The following SPRYD3 variants were observed in gnomAD, a reference collection of about 807,000 sequenced individuals.
SPRYD3 encodes SPRY domain-containing protein 3.
A neutral mutation model predicts 50.1 loss-of-function variants in SPRYD3; 17 were observed. The observed-to-expected ratio is 0.34, with a 90% CI of 0.23 to 0.51. The LOEUF (loss-of-function observed/expected upper bound fraction) is 0.51. Among genes scored for constraint, SPRYD3 ranks in the 20% least tolerant of loss-of-function variants. SPRYD3 has a pLI of 0.97. For synonymous variants in SPRYD3, 198 were observed against 215.5 expected, an observed-to-expected ratio of 0.92 and a Z score of 0.71; for missense variants, 401 against 591.2, an observed-to-expected ratio of 0.68 and a Z score of 3.34.
intron 6 of SPRYD3, among the ~76,000 whole-genome samples, chr12:53,070,143 C>T (rs928964314): frequency 6.6e-6 from 1 of 152,162 alleles, no homozygotes; most frequent in African/African-American, 2.4e-5. Flanking sequence ...CAGAGCACTT[C>T]GGACAGAATG....
At chr12:53,077,067 A>C in intron 2 of SPRYD3, 48 bp downstream of exon 2, 1 of 1,582,924 alleles carries the variant, frequency 6.3e-7, no homozygotes, top group Non-Finnish European at 8.6e-7. Flanking sequence ...TTTCCTCTCT[A>C]AGATCTGGAA....
At chr12:53,073,260 C>CGGGGG in intron 6 of SPRYD3, 26 bp downstream of exon 6, 3 of 416,302 alleles carry the variant, frequency 7.2e-6, no homozygotes, top group African/African-American at 2.1e-5. Context: ...GACCCAGCCC[C>CGGGGG]TCCCACCCTC....
At chr12:53,066,742 CCA>C (rs769955091) in intron 8 of SPRYD3, 50 bp from the exon 9 acceptor site, 78 of 1,562,986 alleles carry the variant, frequency 5.0e-5, no homozygotes, top group Middle Eastern at 3.4e-4. Flanking sequence ...AGGGCTGACA[CCA>C]CACCCCCAGA....
intron 6 of SPRYD3, 29 bp downstream of exon 6, chr12:53,073,257 C>CCCCGGGGGGG: frequency 2.7e-6 from 1 of 363,996 alleles, no homozygotes; most frequent in Non-Finnish European, 5.1e-6. Flanking sequence ...TCCGACCCAG[C>CCCCGGGGGGG]CCCTCCCACC....
chr12:53,068,421 A>T, intron 6 of SPRYD3, 117 bp from the exon 7 acceptor site: 1 of 1,235,342 alleles, frequency 8.1e-7, no homozygotes, highest in Admixed American at 2.0e-5. Context: ...CCTGGCTGAA[A>T]GGGAAAGAAT....
rs1944489200 is a variant in SPRYD3, at chr12:53,064,934, G to A, written c.*898C>T. 6.5e-6 allele frequency: 1 copy of A among 152,810 alleles called. No homozygotes were observed. The highest frequency in any genetic ancestry group is 1.5e-5 in the Non-Finnish European group (1 of 68,174). The allele number at this position is 152,810 out of a possible 1,614,324, so 9.5% of individuals were successfully genotyped here. ...GCACAAGCAGCAAGCTGAGGCATGG[G>A]ACGGGGCAGGAAAAGGGGAGGGAGG... On this transcript the variant is annotated 3_prime_UTR_variant, in exon 11 of 11. Coordinates refer to ENST00000301463, the MANE Select transcript of SPRYD3 (RefSeq NM_032840.3).
At chr12:53,066,979 GCC>G (rs1944514125) in intron 8 of SPRYD3, among the ~76,000 whole-genome samples, 1 of 152,026 alleles carries the variant, frequency 6.6e-6, no homozygotes, top group African/African-American at 2.4e-5. Flanking sequence ...GCGTGGTGGC[GCC>G]CGTCTGTAGT....
intron 7 of SPRYD3, 130 bp from the exon 8 acceptor site, chr12:53,067,835 T>C: frequency 1.2e-6 from 1 of 856,358 alleles, no homozygotes; most frequent in Non-Finnish European, 1.9e-6. Flanking sequence ...ACTCATACCC[T>C]GCAGGCACTG....
At position 53,074,913 on chromosome 12, in the gene SPRYD3, T is replaced by C; in HGVS notation, c.372-129A>G. 1 of 1,372,462 alleles carries C rather than the reference T, an allele frequency of 7.3e-7. No individual in the cohort carries two copies. Among genetic ancestry groups the C allele is most frequent in the Non-Finnish European group, 1.0e-6 (1 of 979,882 alleles). The allele number at this position is 1,372,462 out of a possible 1,614,324, so 85.0% of individuals were successfully genotyped here. A position where few individuals can be genotyped will look rare whatever the true frequency, so the allele number is the denominator to read the frequency against. On this transcript the variant is annotated intron_variant, in intron 4 of 10. Coordinates refer to ENST00000301463, the MANE Select transcript of SPRYD3 (RefSeq NM_032840.3). The surrounding 1 kb of genome is among the most constrained non-coding windows in gnomAD (Gnocchi z 4.6). The stretch of plus-strand genomic sequence containing the variant: ...TCTGTGATGGTACCCACTTACGTCC[T>C]GGCGTGAGCATCACCCTCCTCTAGT...
chr12:53,067,516 G>A (rs1160002858), intron 8 of SPRYD3, 132 bp downstream of exon 8: 15 of 792,404 alleles, frequency 1.9e-5, no homozygotes, highest in Non-Finnish European at 3.2e-5. Context: ...TAGCGATTTG[G>A]GAAGGGGAGG....
At position 53,074,988 on chromosome 12, in the gene SPRYD3, A is replaced by G; in HGVS notation, c.371+107T>C. The G allele has an allele frequency of 1.3e-6, 2 of 1,493,728 alleles. No homozygotes were observed. Among genetic ancestry groups the G allele is most frequent in the Non-Finnish European group, 1.8e-6 (2 of 1,083,074 alleles). 92.5% of individuals were successfully genotyped at this position (1,493,728 alleles called of 1,614,324 possible). A position where few individuals can be genotyped will look rare whatever the true frequency, so the allele number is the denominator to read the frequency against. On this transcript the variant is annotated intron_variant, in intron 4 of 10. Coordinates refer to ENST00000301463, the MANE Select transcript of SPRYD3 (RefSeq NM_032840.3). The surrounding 1 kb of genome is among the most constrained non-coding windows in gnomAD (Gnocchi z 4.6). Reference sequence around the variant, plus strand: ...AGGCCACTTCCCTGTCCTGACCAGAAAAGTCTATGAAACACCCAATGGGAA... The same window carrying G: ...AGGCCACTTCCCTGTCCTGACCAGAGAAGTCTATGAAACACCCAATGGGAA...
rs1944499997 is a variant in SPRYD3 at position 53,065,845 on chromosome 12, G to A, written c.1316C>T (p.Pro439Leu). 6.2e-7 allele frequency: 1 copy of A among 1,613,082 alleles called. No homozygotes were observed. The highest frequency in any genetic ancestry group is 8.5e-7 in the Non-Finnish European group (1 of 1,179,670). The change falls in exon 11 of 11, where the codon CCC becomes CTC. Residue 439 changes from proline to leucine, a missense_variant. Pro to Leu is a moderately conservative substitution (Grantham distance 98). Coordinates refer to ENST00000301463, the MANE Select transcript of SPRYD3 (RefSeq NM_032840.3). The part of the protein sequence containing the change: ...CGEKVKVDLH[P>L]LSG ...GGAGGGGAGGCCCTAGCCACTCAAG[G>A]GGTGCAGATCTACTTTGACTTTCTC...
rs994949815 is a variant in SPRYD3 at position 53,068,440 on chromosome 12, T to C, written c.694-136A>G. ...GCTGAAAGGGAAAGAATCCTAGAGA[T>C]ACAATGTGGCCCCAAAGTTCTAGGC... On this transcript the variant is annotated intron_variant, in intron 6 of 10. Transcript: ENST00000301463. 2.4e-5 allele frequency: 26 copies of C among 1,083,568 alleles called. No homozygotes were observed. The African/African-American group carries it at 2.5e-4, about 11-fold the overall frequency. The allele number at this position is 1,083,568 out of a possible 1,614,324, so 67.1% of individuals were successfully genotyped here.
chr12:53,076,995 C>A, intron 2 of SPRYD3, 120 bp downstream of exon 2: 1 of 942,086 alleles, frequency 1.1e-6, no homozygotes. Context: ...AGAGCATCGC[C>A]CTTCCCTGTG....
rs140566034 is a variant in SPRYD3, at chr12:53,074,681, C to T, written c.475G>A (p.Ala159Thr). The T allele has an allele frequency of 4.0e-5, 65 of 1,614,142 alleles. No homozygotes were observed. Among genetic ancestry groups the T allele is most frequent in the Non-Finnish European group, 5.3e-5 (62 of 1,180,050 alleles). ...CCATTTTTGGTGAAGAAGATCTGGG[C>T]GGTCTGCACATCAAAGGACACAGGC... ...IEPVSFDVQT[A>T]QIFFTKNGKR... The change falls in exon 5 of 11, where the codon GCC becomes ACC. Residue 159 changes from alanine to threonine, a missense_variant. Physicochemically the swap from Ala to Thr is moderately conservative, Grantham distance 58 (BLOSUM62 0). Coordinates refer to ENST00000301463, the MANE Select transcript of SPRYD3 (RefSeq NM_032840.3). This position sits in a 1 kb window ranked among gnomAD's most constrained non-coding sequence, Gnocchi z 4.6.
In SPRYD3 at chr12:53,068,197, G is replaced by A. The variant is rs538010453; in HGVS notation, c.801C>T (p.Asp267=). The A allele has an allele frequency of 6.2e-7, 1 of 1,614,200 alleles. No homozygotes were observed. The highest frequency in any genetic ancestry group is 2.2e-5 in the East Asian group (1 of 44,878). The change falls in exon 7 of 11, where the codon GAC becomes GAT. Residue 267 remains aspartate (D), a synonymous_variant. Transcript: ENST00000301463. ...RSHYFEVEIV[D]PGEKCYIALG... ...GGGCGATGTAGCATTTCTCTCCAGG[G>A]TCCACGATCTCCACCTCGAAGTAGT...
At chr12:53,073,257 C>CCCCGGGGGGGGG in intron 6 of SPRYD3, 29 bp downstream of exon 6, 3 of 363,996 alleles carry the variant, frequency 8.2e-6, no homozygotes, top group East Asian at 4.4e-5. Flanking sequence ...TCCGACCCAG[C>CCCCGGGGGGGGG]CCCTCCCACC....
chr12:53,075,530 C>G (rs527424183), intron 3 of SPRYD3, among the ~76,000 whole-genome samples: 1 of 152,212 alleles, frequency 6.6e-6, no homozygotes, highest in East Asian at 1.9e-4. Context: ...GGTAGGAGAG[C>G]AGAAGGGACA....
chr12:53,073,255 A>AGCCCCGGGGGGGGGGGGG, intron 6 of SPRYD3, 31 bp downstream of exon 6: 1 of 383,668 alleles, frequency 2.6e-6, no homozygotes, highest in East Asian at 4.4e-5. Context: ...CCTCCGACCC[A>AGCCCCGGGGGGGGGGGGG]GCCCCTCCCA....
Sources: allele counts gnomAD v4.1 joint callset (sites outside exome capture counted in the v4.1 genomes callset), GRCh38; gene constraint gnomAD v4.1.1; non-coding constraint Gnocchi (gnomAD v3.1); transcripts MANE v1.5; gene names NCBI Gene and HGNC (gene_info 2026-07-23, HGNC 2026-07-21).